The following SEPHS1 variants were observed in gnomAD, a reference collection of about 807,000 sequenced individuals.
SEPHS1 encodes selenophosphate synthetase 1, also known as zincore component SEPHS1.
Under a neutral mutation model 39.2 loss-of-function variants are expected in SEPHS1, and 7 were observed. That is an observed-to-expected ratio of 0.18 (90% CI 0.10 to 0.34). SEPHS1 has a LOEUF of 0.34. SEPHS1 is among the 10% of genes least tolerant of loss of function. SEPHS1 has a pLI of 1.00. For missense variants in SEPHS1, 253 were observed against 514.5 expected (o/e 0.49, Z 4.92); for synonymous variants, 190 against 195.5 (o/e 0.97, Z 0.23).
At chr10:13,335,174 A>T (rs1311463081) in intron 4 of SEPHS1, among the ~76,000 whole-genome samples, 1 of 152,260 alleles carries the variant, frequency 6.6e-6, no homozygotes, top group African/African-American at 2.4e-5. Flanking sequence ...GAACAGGTTC[A>T]GGCAGCAAGG....
At chr10:13,330,777 G>T (rs913344909) in intron 5 of SEPHS1, among the ~76,000 whole-genome samples, 1 of 152,056 alleles carries the variant, frequency 6.6e-6, no homozygotes, top group Non-Finnish European at 1.5e-5. Context: ...CAGACCTGAA[G>T]ACATAAATGT....
At chr10:13,333,460 A>G (rs1342305054) in intron 5 of SEPHS1, among the ~76,000 whole-genome samples, 1 of 139,578 alleles carries the variant, frequency 7.2e-6, no homozygotes, top group East Asian at 2.1e-4. Flanking sequence ...TTTTTTTTGG[A>G]GACAGAATCT....
chr10:13,344,960 G>T lies in SEPHS1; in HGVS notation c.-10C>A, dbSNP rs979405519. 6.6e-7 allele frequency: 1 copy of T among 1,515,220 alleles called. No individual in the cohort carries two copies. Among genetic ancestry groups the T allele is most frequent in the Non-Finnish European group, 8.9e-7 (1 of 1,124,048 alleles). 93.9% of individuals were successfully genotyped at this position (1,515,220 alleles called of 1,614,324 possible). On this transcript the variant is annotated 5_prime_UTR_variant, in exon 2 of 9. Coordinates refer to ENST00000327347, the MANE Select transcript of SEPHS1 (RefSeq NM_012247.5). ...ACTCCCGCGTAGACATGGTTCTTGG[G>T]CCCCGCTCTCCTCACAGCTCAGCCC...
At chr10:13,347,429 TGCGGGCCGGCG>T (rs1833958281) in intron 1 of SEPHS1, 1 of 149,930 alleles carries the variant, frequency 6.7e-6, no homozygotes, top group Non-Finnish European at 1.5e-5. Flanking sequence ...AGGCCCGGGC[TGCGGGCCGGCG>T]GCGGGGCGGA....
intron 2 of SEPHS1, among the ~76,000 whole-genome samples, chr10:13,344,292 T>C (rs903683666): frequency 6.6e-6 from 1 of 152,204 alleles, no homozygotes; most frequent in African/African-American, 2.4e-5. Context: ...GAAAAGGGAA[T>C]AAAGTATTTC....
chr10:13,340,857 A>T (rs889970001), intron 2 of SEPHS1: 2 of 152,198 alleles, frequency 1.3e-5, no homozygotes, highest in African/African-American at 4.8e-5. Context: ...GGTGCTGTCC[A>T]ATGTGGTTGA....
intron 6 of SEPHS1, among the ~76,000 whole-genome samples, chr10:13,328,885 G>A (rs1833383537): frequency 6.6e-6 from 1 of 152,204 alleles, no homozygotes; most frequent in African/African-American, 2.4e-5. Context: ...CTTCTGCTCT[G>A]CTCCCCATCA....
intron 2 of SEPHS1, 68 bp downstream of exon 2, chr10:13,344,690 G>A: frequency 8.8e-7 from 1 of 1,141,516 alleles, no homozygotes; most frequent in Admixed American, 2.9e-5. Flanking sequence ...CAACATGGGA[G>A]GCGAGAAATC....
At chr10:13,333,369 G>A (rs923952967) in intron 5 of SEPHS1, among the ~76,000 whole-genome samples, 33 of 151,788 alleles carry the variant, frequency 2.2e-4, no homozygotes, top group South Asian at 2.1e-4. Flanking sequence ...CCAACCTCAG[G>A]TGATCCACCC....
At chr10:13,342,643 TAC>T (rs1296413117) in intron 2 of SEPHS1, among the ~76,000 whole-genome samples, 1 of 152,082 alleles carries the variant, frequency 6.6e-6, no homozygotes, top group East Asian at 1.9e-4. Context: ...TATACTTGTG[TAC>T]AGAGGGTATA....
intron 7 of SEPHS1, among the ~76,000 whole-genome samples, chr10:13,326,473 CAAA>C (rs34250326): frequency 3.0e-5 from 4 of 131,304 alleles, no homozygotes; most frequent in Admixed American, 7.5e-5. Flanking sequence ...AACTCCATCT[CAAA>C]AAAAAAAAAA....
chr10:13,346,622 G>C (rs1470729541), intron 1 of SEPHS1, among the ~76,000 whole-genome samples: 1 of 144,244 alleles, frequency 6.9e-6, no homozygotes, highest in East Asian at 2.1e-4. Context: ...GGGAAAGTTT[G>C]AATACCACTT....
intron 3 of SEPHS1, among the ~76,000 whole-genome samples, chr10:13,337,278 A>G (rs191768858): frequency 6.2e-4 from 94 of 152,368 alleles, no homozygotes; most frequent in African/African-American, 2.2e-3. Flanking sequence ...TTGTTTTCAA[A>G]AGAAAAAGAA....
At chr10:13,334,835 G>A (rs1474789325) in intron 4 of SEPHS1, among the ~76,000 whole-genome samples, 1 of 152,250 alleles carries the variant, frequency 6.6e-6, no homozygotes, top group South Asian at 2.1e-4. Flanking sequence ...TGGACTCAGT[G>A]CACAGGACCA....
At position 13,328,466 on chromosome 10, in the gene SEPHS1, T is replaced by C. The variant is rs754515158; in HGVS notation, c.652-16A>G. The C allele has an allele frequency of 3.7e-5, 57 of 1,532,612 alleles. 2 individuals carry two copies. In the South Asian group the frequency reaches 5.8e-4, roughly 16 times the overall value. The allele number at this position is 1,532,612 out of a possible 1,614,324, so 94.9% of individuals were successfully genotyped here. On this transcript the variant is annotated splice_polypyrimidine_tract_variant and intron_variant, in intron 6 of 8. Coordinates refer to ENST00000327347, the MANE Select transcript of SEPHS1 (RefSeq NM_012247.5). The stretch of plus-strand genomic sequence containing the variant: ...ATTTCTCAGGCTGATAATAGAAATG[T>C]AGGTGAGGGAGAGAAAGAGAGGAAA...
intron 4 of SEPHS1, among the ~76,000 whole-genome samples, chr10:13,334,774 G>T (rs1190395645): frequency 6.6e-6 from 1 of 152,190 alleles, no homozygotes; most frequent in East Asian, 1.9e-4. Flanking sequence ...ATCCAATGCT[G>T]GAAGATGTTC....
chr10:13,330,436 G>C (rs1207772574), intron 5 of SEPHS1, among the ~76,000 whole-genome samples: 1 of 152,166 alleles, frequency 6.6e-6, no homozygotes, highest in East Asian at 1.9e-4. Flanking sequence ...GGTGGTCCCT[G>C]TCTTAGAGAC....
chr10:13,333,604 C>T (rs1365620441), intron 5 of SEPHS1, among the ~76,000 whole-genome samples: 1 of 151,876 alleles, frequency 6.6e-6, no homozygotes, highest in Non-Finnish European at 1.5e-5. Flanking sequence ...CCATGCCTGG[C>T]TAATTTTTGT....
At chr10:13,338,835 C>A in intron 2 of SEPHS1, 27 bp from the exon 3 acceptor site, 1 of 1,537,466 alleles carries the variant, frequency 6.5e-7, no homozygotes, top group Non-Finnish European at 9.0e-7. Context: ...CATTAGCATC[C>A]AAAAATAAAA....
Sources: gnomAD v4.1 joint callset for allele counts (sites outside exome capture counted in the v4.1 genomes callset) on GRCh38, gnomAD v4.1.1 for gene constraint, MANE v1.5 for transcripts, NCBI Gene and HGNC (gene_info 2026-07-23, HGNC 2026-07-21) for gene names.